FRMPD1: variants seen among roughly 807,000 people sequenced by gnomAD.
The protein encoded by FRMPD1 is FERM and PDZ domain containing 1.
FRMPD1 carries 76 observed loss-of-function variants against 117.8 expected under a neutral mutation model. The observed-to-expected ratio is 0.65, with a 90% CI of 0.54 to 0.78. The LOEUF (loss-of-function observed/expected upper bound fraction) is 0.78. Among genes scored for constraint, FRMPD1 ranks in the 30% least tolerant of loss-of-function variants. FRMPD1 has a pLI of 0.00. For synonymous variants in FRMPD1, 783 were observed against 770.4 expected (o/e 1.02, Z -0.27); for missense variants, 1,786 against 1,964.5 (o/e 0.91, Z 1.72).
the FRMPD1 span, among the ~76,000 whole-genome samples, chr9:37,621,366 G>T: frequency 6.6e-6 from 1 of 152,290 alleles, no homozygotes; most frequent in Non-Finnish European, 1.5e-5. Context: ...AAGTGGTTAC[G>T]TGACTCTTGC....
chr9:37,660,882 A>G (rs57770924), intron 1 of FRMPD1, among the ~76,000 whole-genome samples: 34,938 of 152,116 alleles, frequency 0.23, 4,143 homozygotes, highest in Middle Eastern at 0.28. Flanking sequence ...TTGACCGATG[A>G]AATGAATGAA....
chr9:37,743,645 T>G (rs1019188426), intron 15 of FRMPD1, among the ~76,000 whole-genome samples: 4 of 146,728 alleles, frequency 2.7e-5, no homozygotes, highest in Admixed American at 2.1e-4. Context: ...TCCAGCAGAC[T>G]CTAACCATTG....
chr9:37,696,525 T>A (rs1329811319), intron 2 of FRMPD1, among the ~76,000 whole-genome samples: 2 of 152,212 alleles, frequency 1.3e-5, no homozygotes, highest in Non-Finnish European at 2.9e-5. Flanking sequence ...GAAATATATT[T>A]AAAATGCACA....
intron 1 of FRMPD1, chr9:37,669,655 TAC>T (rs545152436): frequency 2.0e-4 from 30 of 152,264 alleles, no homozygotes; most frequent in African/African-American, 7.0e-4. Flanking sequence ...ATTACTACTA[TAC>T]ACACACACCT....
At chr9:37,689,823 T>G (rs950456563) in intron 1 of FRMPD1, among the ~76,000 whole-genome samples, 1 of 152,176 alleles carries the variant, frequency 6.6e-6, no homozygotes, top group African/African-American at 2.4e-5. Flanking sequence ...CCTAAAAAAT[T>G]TGAGAACTTC....
At chr9:37,607,541 T>G in the FRMPD1 span, among the ~76,000 whole-genome samples, 1 of 152,242 alleles carries the variant, frequency 6.6e-6, no homozygotes, top group Non-Finnish European at 1.5e-5. Context: ...GTGTTGCCAT[T>G]GCTAAATTCA....
At position 37,707,574 on chromosome 9, in the gene FRMPD1, G is replaced by A. The variant is rs889384165; in HGVS notation, c.259+1G>A. ...CTTACAGTGGTGGCTGTCACAGCAGGTAGGGGATGACTGGGAAATGAGAAA... is the reference window on the plus strand; with the variant it reads ...CTTACAGTGGTGGCTGTCACAGCAGATAGGGGATGACTGGGAAATGAGAAA... On this transcript the variant is annotated splice_donor_variant, in intron 3 of 15. Coordinates refer to ENST00000377765, the MANE Select transcript of FRMPD1 (RefSeq NM_014907.3). LOFTEE classifies it high-confidence loss of function. The A allele has an allele frequency of 6.2e-7, 1 of 1,611,866 alleles. No individual in the cohort carries two copies. Among genetic ancestry groups the A allele is most frequent in the African/African-American group, 1.3e-5 (1 of 74,972 alleles).
rs902496076 is a variant in FRMPD1, at chr9:37,666,881, C to T, written c.-5+15787C>T. Reference sequence around the variant, plus strand: ...GTACAGAGTCACTGATAGAACCCTACTTGGCCTCGCCTCTCCTTTGATCCT... The same window carrying T: ...GTACAGAGTCACTGATAGAACCCTATTTGGCCTCGCCTCTCCTTTGATCCT... On this transcript the variant is annotated intron_variant, in intron 1 of 15. Coordinates refer to ENST00000377765, the MANE Select transcript of FRMPD1 (RefSeq NM_014907.3). Among the ~76,000 whole-genome samples, 12 of 152,220 alleles carry T rather than the reference C, an allele frequency of 7.9e-5. No homozygotes were observed. The South Asian group carries it at 2.3e-3, about 29-fold the overall frequency.
At chr9:37,741,109 C>A in intron 15 of FRMPD1, 1 of 573,944 alleles carries the variant, frequency 1.7e-6, no homozygotes, top group Admixed American at 3.0e-5. Context: ...AGGGATTCAT[C>A]CAACAGTGGG....
chr9:37,668,144 A>C (rs1043495964), intron 1 of FRMPD1: 2 of 152,262 alleles, frequency 1.3e-5, no homozygotes, highest in African/African-American at 2.4e-5. Flanking sequence ...CCAGTTTGCC[A>C]ATCAAGGACC....
chr9:37,667,408 C>T (rs1261696260), intron 1 of FRMPD1, among the ~76,000 whole-genome samples: 1 of 150,720 alleles, frequency 6.6e-6, no homozygotes, highest in African/African-American at 2.4e-5. Context: ...CACAATGGCT[C>T]ACTCCTGTAA....
At chr9:37,649,738 C>A (rs1226657541), upstream of FRMPD1, among the ~76,000 whole-genome samples, 1 of 152,214 alleles carries the variant, frequency 6.6e-6, no homozygotes, top group Non-Finnish European at 1.5e-5. Flanking sequence ...GGTGCCTCAA[C>A]CCTACTCAGA....
At chr9:37,705,266 A>T (rs1044690347) in intron 2 of FRMPD1, among the ~76,000 whole-genome samples, 4 of 151,836 alleles carry the variant, frequency 2.6e-5, no homozygotes, top group African/African-American at 7.3e-5. Context: ...TCCTCTTGTC[A>T]TTTTTCCTTC....
intron 1 of FRMPD1, among the ~76,000 whole-genome samples, chr9:37,659,814 T>G (rs1820943015): frequency 1.3e-5 from 2 of 151,734 alleles, no homozygotes; most frequent in Non-Finnish European, 1.5e-5. Flanking sequence ...ATCTCCAGTC[T>G]GCTGCTGGCT....
At chr9:37,638,035 TTCC>T in the FRMPD1 span, among the ~76,000 whole-genome samples, 1 of 65,870 alleles carries the variant, frequency 1.5e-5, no homozygotes, top group Non-Finnish European at 3.1e-5. Context: ...TCTCTCTTTC[TTCC>T]TTTCTTTCTT....
chr9:37,736,157 T>C (rs572361049), intron 13 of FRMPD1, among the ~76,000 whole-genome samples: 3 of 152,002 alleles, frequency 2.0e-5, no homozygotes, highest in East Asian at 2.0e-4. Context: ...CCCACCACCA[T>C]GCCCGGCTAA....
the FRMPD1 span, among the ~76,000 whole-genome samples, chr9:37,606,505 C>T: frequency 5.9e-5 from 9 of 152,174 alleles, no homozygotes; most frequent in East Asian, 1.5e-3. Flanking sequence ...TTCTGGTGGC[C>T]CTGAGTTCTA....
chr9:37,741,450 GACACAC>G (rs56971939), intron 15 of FRMPD1, among the ~76,000 whole-genome samples: 4,985 of 135,670 alleles, frequency 0.037, 284 homozygotes, highest in African/African-American at 0.13. Flanking sequence ...ATCCTGGCAG[GACACAC>G]ACACACACAC....
chr9:37,621,654 G>A, the FRMPD1 span, among the ~76,000 whole-genome samples: 2 of 152,206 alleles, frequency 1.3e-5, no homozygotes, highest in South Asian at 4.1e-4. Context: ...GGAACAAGGA[G>A]GAGTAGCTGC....
Sources: allele counts gnomAD v4.1 joint callset (sites outside exome capture counted in the v4.1 genomes callset), GRCh38; gene constraint gnomAD v4.1.1; transcripts MANE v1.5; gene names NCBI Gene and HGNC (gene_info 2026-07-23, HGNC 2026-07-21).